DLD: variants seen among roughly 807,000 people sequenced by gnomAD.
DLD encodes the protein dihydrolipoyl dehydrogenase, mitochondrial.
In DLD, 36 loss-of-function variants were observed where a neutral mutation model predicts 62.2. The ratio of observed to expected loss-of-function variants is 0.58; its 90% CI spans 0.44 to 0.76. The LOEUF (loss-of-function observed/expected upper bound fraction) is 0.76, where lower values mean the gene tolerates loss of function less well. DLD is among the 30% of genes least tolerant of loss of function. DLD has a pLI of 0.00. For synonymous variants in DLD, 204 were observed against 199.6 expected, an observed-to-expected ratio of 1.02 and a Z score of -0.19; for missense variants, 541 against 608.6, an observed-to-expected ratio of 0.89 and a Z score of 1.17.
chr7:107,901,642 G>T, intron 2 of DLD, 96 bp from the exon 3 acceptor site: 5 of 968,764 alleles, frequency 5.2e-6, no homozygotes, highest in Non-Finnish European at 8.3e-6. Context: ...ACTGTAAGAG[G>T]TTTAAGTATC....
chr7:107,902,462 A>T (rs1223927475), intron 4 of DLD, 69 bp downstream of exon 4: 8 of 1,270,982 alleles, frequency 6.3e-6, no homozygotes, highest in Non-Finnish European at 9.2e-6. Context: ...ATGGATTGAG[A>T]CTAGATTAGA....
intron 1 of DLD, 21 bp downstream of exon 1, chr7:107,891,310 G>C (rs773956981): frequency 6.8e-6 from 11 of 1,613,974 alleles, no homozygotes; most frequent in East Asian, 2.2e-5. Flanking sequence ...AGTAGGTGAG[G>C]TCGTGTTGAG....
At chr7:107,900,412 A>G (rs2116200186) in intron 2 of DLD, among the ~76,000 whole-genome samples, 1 of 152,312 alleles carries the variant, frequency 6.6e-6, no homozygotes, top group Admixed American at 6.5e-5. Flanking sequence ...GTACTATGCT[A>G]AATTATTTAC....
rs2031969615 is a variant in DLD, at chr7:107,905,018, C to A, written c.398C>A (p.Ala133Asp). 1.2e-6 allele frequency: 2 copies of A among 1,612,980 alleles called. No homozygotes were observed. Among genetic ancestry groups the A allele is most frequent in the Non-Finnish European group, 1.7e-6 (2 of 1,179,412 alleles). Residue 133 changes from alanine (A) to aspartate (D), a missense_variant, in exon 6 of 14, where the codon GCT (alanine) becomes GAT (aspartate). Coordinates refer to ENST00000205402, the MANE Select transcript of DLD (RefSeq NM_000108.5). ...MMEQKSTAVKALTGGIAHLFK... is the reference protein window; with the variant it reads ...MMEQKSTAVKDLTGGIAHLFK... ...GAGCAGAAGAGTACTGCAGTAAAAG[C>A]TTTAACAGGTGGAATTGCCCACTTA...
chr7:107,918,111 T>G, intron 12 of DLD, 50 bp downstream of exon 12: 1 of 1,609,010 alleles, frequency 6.2e-7, no homozygotes, highest in East Asian at 2.2e-5. Context: ...TAGAAAGCAT[T>G]GCTGTTTATT....
At chr7:107,896,173 T>C (rs1297116307) in intron 2 of DLD, among the ~76,000 whole-genome samples, 1 of 152,216 alleles carries the variant, frequency 6.6e-6, no homozygotes, top group Non-Finnish European at 1.5e-5. Flanking sequence ...AACAAGACAC[T>C]GGAGAACCAA....
At chr7:107,891,634 A>G in intron 1 of DLD, 1 of 489,584 alleles carries the variant, frequency 2.0e-6, no homozygotes. Flanking sequence ...CATGTCCCGT[A>G]TAGTCTGGCT....
chr7:107,915,317 G>T (rs2032240031), intron 8 of DLD, among the ~76,000 whole-genome samples, 189 bp from the exon 9 acceptor site: 1 of 152,126 alleles, frequency 6.6e-6, no homozygotes, highest in Admixed American at 6.6e-5. Flanking sequence ...AACAAATGTT[G>T]AATGAGTAAG....
In DLD at chr7:107,915,603, T is replaced by G. The variant is rs1375985426; in HGVS notation, c.782T>G (p.Phe261Cys). Residue 261 changes from phenylalanine to cysteine, a missense_variant, in exon 9 of 14, where the codon TTT becomes TGT. By Grantham distance (205) the Phe-to-Cys change is radical. Transcript: ENST00000205402. ...ATTGATATGGAGATATCTAAAAACT[T>G]TCAACGCATCCTTCAAAAACAGGGG... ...VGIDMEISKN[F>C]QRILQKQGFK... 1.9e-6 allele frequency: 3 copies of G among 1,613,706 alleles called. No individual in the cohort carries two copies. The African/African-American group carries it at 4.0e-5, about 22-fold the overall frequency.
intron 9 of DLD, 51 bp from the exon 10 acceptor site, chr7:107,916,742 TA>T (rs2032278849): frequency 6.5e-7 from 1 of 1,545,986 alleles, no homozygotes; most frequent in Admixed American, 1.7e-5. Context: ...TTTCTAAGCC[TA>T]TCAATTTATG....
In DLD at chr7:107,891,293, A is replaced by G. The variant is rs2031564750; in HGVS notation, c.39+4A>G. 2.5e-6 allele frequency: 4 copies of G among 1,614,018 alleles called. No homozygotes were observed. Among genetic ancestry groups the G allele is most frequent in the Non-Finnish European group, 3.4e-6 (4 of 1,179,906 alleles). Reference sequence around the variant, plus strand: ...TGTGTACTGCTCCTTGGCCAAGGTGAGGGCCGAGTAGGTGAGGTCGTGTTG... The same window carrying G: ...TGTGTACTGCTCCTTGGCCAAGGTGGGGGCCGAGTAGGTGAGGTCGTGTTG... On this transcript the variant is annotated splice_donor_region_variant and intron_variant, in intron 1 of 13. Transcript: ENST00000205402.
chr7:107,918,961 A>G (rs767675693), intron 12 of DLD, 49 bp from the exon 13 acceptor site: 2 of 1,449,288 alleles, frequency 1.4e-6, no homozygotes, highest in South Asian at 1.1e-5. Context: ...TCCTATTAGC[A>G]TGTAGTTTTT....
intron 1 of DLD, chr7:107,891,614 G>T: frequency 1.9e-6 from 1 of 527,582 alleles, no homozygotes; most frequent in Non-Finnish European, 3.4e-6. Context: ...TGGAGGAAGT[G>T]TAAGCCACCC....
intron 2 of DLD, among the ~76,000 whole-genome samples, chr7:107,899,960 G>A (rs6466205): frequency 0.7 from 99,012 of 141,506 alleles, 33,204 homozygotes; most frequent in East Asian, 0.85. Context: ...TGTGTAGATC[G>A]TCATTTGGTT....
At chr7:107,891,361 G>A in intron 1 of DLD, 72 bp downstream of exon 1, 12 of 1,570,936 alleles carry the variant, frequency 7.6e-6, no homozygotes, top group Non-Finnish European at 1.0e-5. Context: ...TCCGGTACGC[G>A]GCTTAACCGT....
At chr7:107,905,214 A>T (rs924892902) in intron 6 of DLD, 147 bp from the exon 7 acceptor site, 2 of 1,045,464 alleles carry the variant, frequency 1.9e-6, no homozygotes, top group Non-Finnish European at 2.9e-6. Context: ...TATATCACAG[A>T]TTTTTTTGCT....
chr7:107,897,574 CTTT>C (rs35546358), intron 2 of DLD, among the ~76,000 whole-genome samples: 7 of 111,324 alleles, frequency 6.3e-5, no homozygotes, highest in Admixed American at 9.6e-5. Flanking sequence ...TGTAGACTGA[CTTT>C]TTTTTTTTTT....
At chr7:107,894,904 A>C (rs954235906) in intron 2 of DLD, among the ~76,000 whole-genome samples, 1 of 152,254 alleles carries the variant, frequency 6.6e-6, no homozygotes, top group African/African-American at 2.4e-5. Flanking sequence ...TCTTTTCCTC[A>C]GGAATGCAAA....
chr7:107,892,408 T>G (rs1206951448), intron 1 of DLD, among the ~76,000 whole-genome samples: 1 of 152,212 alleles, frequency 6.6e-6, no homozygotes, highest in Non-Finnish European at 1.5e-5. Context: ...AACATCTTCA[T>G]AGATTGTTCT....
Sources: allele counts gnomAD v4.1 joint callset (sites outside exome capture counted in the v4.1 genomes callset), GRCh38; gene constraint gnomAD v4.1.1; transcripts MANE v1.5; gene names NCBI Gene and HGNC (gene_info 2026-07-23, HGNC 2026-07-21).